CLTCL1: variants seen among roughly 807,000 people sequenced by gnomAD.
CLTCL1 encodes the protein clathrin heavy chain 2.
Under a neutral mutation model 190.0 loss-of-function variants are expected in CLTCL1, and 159 were observed. That is an observed-to-expected ratio of 0.84 (90% CI 0.74 to 0.95). The LOEUF is 0.95. Ranked by LOEUF, CLTCL1 falls within the 40% of genes least tolerant of loss-of-function variation. The pLI, the probability that CLTCL1 is intolerant of heterozygous loss-of-function variation, is 0.00. For missense variants in CLTCL1, 1,878 were observed against 2,033.4 expected (o/e 0.92, Z 1.47); for synonymous variants, 752 against 769.6 (o/e 0.98, Z 0.38).
intron 19 of CLTCL1, among the ~76,000 whole-genome samples, chr22:19,211,542 G>C (rs1183039620): frequency 6.6e-6 from 1 of 152,008 alleles, no homozygotes; most frequent in African/African-American, 2.4e-5. Flanking sequence ...GCTGAGGCGG[G>C]TGGATCACAA....
chr22:19,237,784 T>G (rs2086124702), intron 5 of CLTCL1, among the ~76,000 whole-genome samples: 1 of 152,172 alleles, frequency 6.6e-6, no homozygotes, highest in Non-Finnish European at 1.5e-5. Flanking sequence ...TGCAGAGCCA[T>G]TTTCATAAGA....
chr22:19,194,054 A>C (rs567606053), intron 26 of CLTCL1, among the ~76,000 whole-genome samples: 1 of 152,030 alleles, frequency 6.6e-6, no homozygotes, highest in South Asian at 2.1e-4. Flanking sequence ...ACAGAGCGCT[A>C]ATTGGTCCAT....
intron 26 of CLTCL1, among the ~76,000 whole-genome samples, chr22:19,194,619 G>T (rs1157499831): frequency 6.6e-6 from 1 of 152,228 alleles, no homozygotes; most frequent in African/African-American, 2.4e-5. Flanking sequence ...ACCTGCCATG[G>T]ACCACTTGGT....
chr22:19,193,073 C>T (rs1157008389), intron 26 of CLTCL1, among the ~76,000 whole-genome samples: 1 of 152,230 alleles, frequency 6.6e-6, no homozygotes, highest in African/African-American at 2.4e-5. Flanking sequence ...CCACCTGCTT[C>T]CCCACCAACC....
intron 29 of CLTCL1, chr22:19,183,866 A>T (rs1262855069): frequency 1.9e-6 from 1 of 521,046 alleles, no homozygotes; most frequent in East Asian, 3.4e-5. Flanking sequence ...CAGGAACTCT[A>T]GCCCCGAGGG....
intron 27 of CLTCL1, among the ~76,000 whole-genome samples, chr22:19,190,879 G>A (rs548029933): frequency 9.9e-5 from 15 of 151,510 alleles, no homozygotes; most frequent in East Asian, 3.9e-4. Context: ...CCGGGTTCAC[G>A]CCATTCTCCT....
intron 20 of CLTCL1, 32 bp from the exon 21 acceptor site, chr22:19,209,146 C>T (rs2085142675): frequency 1.3e-6 from 2 of 1,540,214 alleles, no homozygotes; most frequent in African/African-American, 2.7e-5. Flanking sequence ...CCATTCTCTG[C>T]AACATCTAGT....
At chr22:19,220,088 C>G (rs2085520852) in intron 17 of CLTCL1, 81 bp from the exon 18 acceptor site, 5 of 1,568,388 alleles carry the variant, frequency 3.2e-6, no homozygotes, top group Non-Finnish European at 4.4e-6. Context: ...AATTCGTTCC[C>G]TGTGTGCCTG....
chr22:19,185,615 C>T (rs1021893064), intron 29 of CLTCL1, among the ~76,000 whole-genome samples: 6 of 152,122 alleles, frequency 3.9e-5, no homozygotes, highest in African/African-American at 1.4e-4. Flanking sequence ...CATGAGCCAA[C>T]GCGCCCGGCC....
intron 9 of CLTCL1, 30 bp downstream of exon 9, chr22:19,233,134 CTG>C (rs2091769793): frequency 6.3e-7 from 1 of 1,593,802 alleles, no homozygotes; most frequent in South Asian, 1.1e-5. Context: ...CGTGAGTAAT[CTG>C]TGAGATGCCA....
At chr22:19,263,089 T>G (rs377046576) in intron 2 of CLTCL1, among the ~76,000 whole-genome samples, 2 of 151,914 alleles carry the variant, frequency 1.3e-5, no homozygotes, top group East Asian at 3.9e-4. Flanking sequence ...TAAGCAATTT[T>G]TAGGAATAAA....
At chr22:19,233,726 C>T (rs572338023) in intron 7 of CLTCL1, 104 bp from the exon 8 acceptor site, 7 of 998,518 alleles carry the variant, frequency 7.0e-6, no homozygotes, top group African/African-American at 6.5e-5. Context: ...GGAAATTCCA[C>T]ACTGCTCTGT....
At chr22:19,184,287 G>T in intron 29 of CLTCL1, 1 of 349,802 alleles carries the variant, frequency 2.9e-6, no homozygotes, top group Non-Finnish European at 5.7e-6. Flanking sequence ...CTTGCCCAGG[G>T]CCACTCCACC....
At chr22:19,248,711 T>C (rs1555968875) in intron 3 of CLTCL1, among the ~76,000 whole-genome samples, 1 of 152,194 alleles carries the variant, frequency 6.6e-6, no homozygotes, top group Middle Eastern at 3.2e-3. Flanking sequence ...TTTCCAAGGT[T>C]CATTCATGAT....
At chr22:19,208,458 T>C in intron 21 of CLTCL1, 147 bp from the exon 22 acceptor site, 3 of 943,996 alleles carry the variant, frequency 3.2e-6, no homozygotes, top group Non-Finnish European at 4.7e-6. Context: ...GTCTAGGAGG[T>C]CTTGATTATG....
chr22:19,285,138 G>T (rs1555989345), intron 1 of CLTCL1, among the ~76,000 whole-genome samples: 1 of 151,878 alleles, frequency 6.6e-6, no homozygotes, highest in Non-Finnish European at 1.5e-5. Context: ...AGCTGGACGT[G>T]GTGGTGGGTG....
At chr22:19,264,047 C>T (rs1341772350) in intron 2 of CLTCL1, among the ~76,000 whole-genome samples, 4 of 151,992 alleles carry the variant, frequency 2.6e-5, no homozygotes, top group South Asian at 4.2e-4. Flanking sequence ...GTAATCCTAG[C>T]GCTTTGGGAA....
rs1236043933 is a variant in CLTCL1, at chr22:19,291,571, G to C, written c.42+29C>G. 23 of 1,355,126 alleles carry C rather than the reference G, an allele frequency of 1.7e-5. 1 individual carries two copies. Among genetic ancestry groups the C allele is most frequent in the Non-Finnish European group, 2.2e-5 (23 of 1,041,220 alleles). The allele number at this position is 1,355,126 out of a possible 1,614,324, so 83.9% of individuals were successfully genotyped here. On this transcript the variant is annotated intron_variant, in intron 1 of 32. Transcript: ENST00000427926. ...CGGCCCGGCGGAGGCGCGGCTGACA[G>C]GGCAGCCCCCCAGCCCGCCGGGCCT...
intron 11 of CLTCL1, 78 bp from the exon 12 acceptor site, chr22:19,226,461 A>C (rs2085750296): frequency 1.3e-6 from 2 of 1,550,168 alleles, no homozygotes; most frequent in Non-Finnish European, 1.8e-6. Flanking sequence ...ATCTTGCCCC[A>C]GGGTAGGGTA....
Sources: gnomAD v4.1 joint callset for allele counts (sites outside exome capture counted in the v4.1 genomes callset) on GRCh38, gnomAD v4.1.1 for gene constraint, MANE v1.5 for transcripts, NCBI Gene and HGNC (gene_info 2026-07-23, HGNC 2026-07-21) for gene names.